TNFRSF25: variants seen among roughly 807,000 people sequenced by gnomAD.
TNFRSF25 encodes tumor necrosis factor receptor superfamily member 25.
In TNFRSF25, 28 loss-of-function variants were observed where a neutral mutation model predicts 49.4. The observed-to-expected ratio is 0.57, with a 90% CI of 0.42 to 0.78. The LOEUF (loss-of-function observed/expected upper bound fraction) is 0.78, where lower values mean the gene tolerates loss of function less well. TNFRSF25 is among the 30% of genes least tolerant of loss of function. TNFRSF25 has a pLI of 0.00. For missense variants in TNFRSF25, 531 were observed against 581.6 expected (o/e 0.91, Z 0.90); for synonymous variants, 240 against 234.2 (o/e 1.02, Z -0.23).
chr1:6,465,419 C>T, intron 2 of TNFRSF25, 21 bp downstream of exon 2: 1 of 1,613,844 alleles, frequency 6.2e-7, no homozygotes, highest in South Asian at 1.1e-5. Context: ...CCATGCCTCT[C>T]CCACCCCTGT....
rs1223876594 is a variant in TNFRSF25 at position 6,464,746 on chromosome 1, G to A, written c.296-27C>T. ...TGGTGGGGGTGCAGGGAGATGGGGA[G>A]TGGAGAGTTAGTCAGGGCCAAAGGC... is the stretch of plus-strand genomic sequence containing the variant. On this transcript the variant is annotated intron_variant, in intron 3 of 9. Transcript: ENST00000356876. The A allele has an allele frequency of 2.5e-6, 4 of 1,607,724 alleles. No individual in the cohort carries two copies. The African/African-American group carries it at 4.0e-5, about 16-fold the overall frequency.
chr1:6,465,620 G>C, intron 1 of TNFRSF25, 60 bp from the exon 2 acceptor site: 62 of 1,569,958 alleles, frequency 3.9e-5, no homozygotes, highest in Non-Finnish European at 5.2e-5. Flanking sequence ...TCTCCCTGCT[G>C]CGTCTCCTCC....
intron 1 of TNFRSF25, 94 bp from the exon 2 acceptor site, chr1:6,465,654 CCA>C: frequency 2.0e-6 from 3 of 1,519,872 alleles, no homozygotes; most frequent in East Asian, 4.9e-5. Context: ...CAGCATTTGC[CCA>C]CAGAGCAGCC....
rs958790452 is a variant in TNFRSF25, at chr1:6,462,793, G to T, written c.706+70C>A. ...CCTCAGTTTCCCCTTCTGTATCAGGGTTGAGTAGACTCTGGGCTACCCATC... is the reference window on the plus strand; with the variant it reads ...CCTCAGTTTCCCCTTCTGTATCAGGTTTGAGTAGACTCTGGGCTACCCATC... On this transcript the variant is annotated intron_variant, in intron 7 of 9. Coordinates refer to ENST00000356876, the MANE Select transcript of TNFRSF25 (RefSeq NM_003790.3). This position sits in a 1 kb window ranked among gnomAD's most constrained non-coding sequence, Gnocchi z 4.2. 4 of 1,568,204 alleles carry T rather than the reference G, an allele frequency of 2.6e-6. No homozygotes were observed. In the African/African-American group the frequency reaches 5.4e-5, roughly 21 times the overall value.
chr1:6,462,841 G>T lies in TNFRSF25; in HGVS notation c.706+22C>A. 1 of 1,593,174 alleles carries T rather than the reference G, an allele frequency of 6.3e-7. No individual in the cohort carries two copies. Among genetic ancestry groups the T allele is most frequent in the Non-Finnish European group, 8.6e-7 (1 of 1,168,248 alleles). Reference sequence around the variant, plus strand: ...ATCCTGACCCCAGGCTTCTGGGTGCGTGTGTGGGTGTGTGTACTTACCAGT... The same window carrying T: ...ATCCTGACCCCAGGCTTCTGGGTGCTTGTGTGGGTGTGTGTACTTACCAGT... On this transcript the variant is annotated intron_variant, in intron 7 of 9. Coordinates refer to ENST00000356876, the MANE Select transcript of TNFRSF25 (RefSeq NM_003790.3). The surrounding 1 kb of genome is among the most constrained non-coding windows in gnomAD (Gnocchi z 4.2).
intron 1 of TNFRSF25, 137 bp downstream of exon 1, chr1:6,465,932 T>A: frequency 6.9e-7 from 1 of 1,454,698 alleles, no homozygotes; most frequent in South Asian, 1.4e-5. Context: ...TGGAGGAGCC[T>A]TTAACGAGAT....
intron 1 of TNFRSF25, 141 bp downstream of exon 1, chr1:6,465,928 A>G: frequency 6.9e-7 from 1 of 1,446,114 alleles, no homozygotes; most frequent in African/African-American, 1.5e-5. Context: ...GCCCTGGAGG[A>G]GCCTTTAACG....
In TNFRSF25 at chr1:6,461,016, T is replaced by C; in HGVS notation, c.*418A>G. 2.5e-6 allele frequency: 1 copy of C among 400,328 alleles called. No individual in the cohort carries two copies. Among genetic ancestry groups the C allele is most frequent in the East Asian group, 7.1e-5 (1 of 14,184 alleles). The allele number at this position is 400,328 out of a possible 1,614,324, so 24.8% of individuals were successfully genotyped here. On this transcript the variant is annotated 3_prime_UTR_variant, in exon 10 of 10. Coordinates refer to ENST00000356876, the MANE Select transcript of TNFRSF25 (RefSeq NM_003790.3). The surrounding 1 kb of genome is among the most constrained non-coding windows in gnomAD (Gnocchi z 6.3). ...CAGAGTGGACTCGGGAGGGGCAGGC[T>C]TGGGAGCTAAGGCCACACTGGACTC...
chr1:6,461,069 C>A lies in TNFRSF25; in HGVS notation c.*365G>T. 1 of 482,998 alleles carries A rather than the reference C, an allele frequency of 2.1e-6. No homozygotes were observed. Among genetic ancestry groups the A allele is most frequent in the African/African-American group, 2.0e-5 (1 of 50,878 alleles). The allele number at this position is 482,998 out of a possible 1,614,324, so 29.9% of individuals were successfully genotyped here. ...CCATGGGTGCCAGATCCCGGGGTGA[C>A]AAGATTCCCGTCCCCTTCGAATCCC... On this transcript the variant is annotated 3_prime_UTR_variant, in exon 10 of 10. Transcript: ENST00000356876. This position sits in a 1 kb window ranked among gnomAD's most constrained non-coding sequence, Gnocchi z 6.3.
Position 6,463,070 on chromosome 1 carries a change from A to G in TNFRSF25, c.598+2T>C. On this transcript the variant is annotated splice_donor_variant, in intron 6 of 9. Transcript: ENST00000356876. LOFTEE classifies it high-confidence loss of function. ...CACTCGCATTCCCAGCACACCACCT[A>G]CTCTGCCTCCAGCCACAGACAGCGG... The G allele has an allele frequency of 6.4e-7, 1 of 1,551,438 alleles. No individual in the cohort carries two copies. Among genetic ancestry groups the G allele is most frequent in the South Asian group, 1.2e-5 (1 of 84,066 alleles).
Position 6,465,479 on chromosome 1 carries a change from T to A in TNFRSF25, c.121A>T (p.Lys41Ter). The change falls in exon 2 of 10, where the codon AAG (lysine) becomes TAG (stop). Residue 41 changes from lysine to a stop codon, truncating the protein, a stop_gained. Transcript: ENST00000356876. LOFTEE classifies it high-confidence loss of function. ...PRCDCAGDFHKKIGLFCCRGC... is the reference protein window; with the variant it reads ...PRCDCAGDFH ...CTGCAACAAAACAGACCAATCTTCT[T>A]GTGGAAGTCACCGGCACAGTCACAC... The A allele has an allele frequency of 6.2e-7, 1 of 1,613,970 alleles. No individual in the cohort carries two copies. The highest frequency in any genetic ancestry group is 8.5e-7 in the Non-Finnish European group (1 of 1,179,976).
In TNFRSF25 at chr1:6,461,818, G is replaced by C. The variant is rs1644182688; in HGVS notation, c.926-56C>G. 2 of 1,461,820 alleles carry C rather than the reference G, an allele frequency of 1.4e-6. No individual in the cohort carries two copies. The highest frequency in any genetic ancestry group is 2.7e-5 in the South Asian group (2 of 72,806). 90.6% of individuals were successfully genotyped at this position (1,461,820 alleles called of 1,614,324 possible). A position where few individuals can be genotyped will look rare whatever the true frequency, so the allele number is the denominator to read the frequency against. ...GTACGTGGGCCGCGGTCGGGAGGCA[G>C]AGTCAGGGGCGTTCGTGCGGGTACC... On this transcript the variant is annotated intron_variant, in intron 9 of 9. Transcript: ENST00000356876. This position sits in a 1 kb window ranked among gnomAD's most constrained non-coding sequence, Gnocchi z 6.3.
In TNFRSF25 at chr1:6,462,094, C is replaced by T. The variant is rs765554689; in HGVS notation, c.825G>A (p.Gln275=). The change falls in exon 9 of 10, where the codon CAG becomes CAA. Residue 275 remains glutamine, a synonymous_variant. Transcript: ENST00000356876. This position sits in a 1 kb window ranked among gnomAD's most constrained non-coding sequence, Gnocchi z 4.2. ...CAGGGGTCCAGCTGTTACCCACCAA[C>T]TGGACGGTGCAGATCTTCTCACTGC... ...PDSSEKICTV[Q]LVGNSWTPGY... 2.5e-6 allele frequency: 4 copies of T among 1,613,912 alleles called. No homozygotes were observed. Among genetic ancestry groups the T allele is most frequent in the Non-Finnish European group, 3.4e-6 (4 of 1,180,006 alleles).
Position 6,461,076 on chromosome 1 carries a change from C to A in TNFRSF25, c.*358G>T, listed in dbSNP as rs1031537951. ...TGCCAGATCCCGGGGTGACAAGATTCCCGTCCCCTTCGAATCCCTCGAGAA... is the reference window on the plus strand; with the variant it reads ...TGCCAGATCCCGGGGTGACAAGATTACCGTCCCCTTCGAATCCCTCGAGAA... On this transcript the variant is annotated 3_prime_UTR_variant, in exon 10 of 10. Coordinates refer to ENST00000356876, the MANE Select transcript of TNFRSF25 (RefSeq NM_003790.3). The surrounding 1 kb of genome is among the most constrained non-coding windows in gnomAD (Gnocchi z 6.3). 2.0e-6 allele frequency: 1 copy of A among 498,448 alleles called. No individual in the cohort carries two copies. Among genetic ancestry groups the A allele is most frequent in the African/African-American group, 1.9e-5 (1 of 51,446 alleles). The allele number at this position is 498,448 out of a possible 1,614,324, so 30.9% of individuals were successfully genotyped here. A position where few individuals can be genotyped will look rare whatever the true frequency, so the allele number is the denominator to read the frequency against.
At position 6,461,630 on chromosome 1, in the gene TNFRSF25, G is replaced by C. The variant is rs748511042; in HGVS notation, c.1058C>G (p.Thr353Arg). Residue 353 changes from threonine to arginine, a missense_variant, in exon 10 of 10, where the codon ACG becomes AGG. Coordinates refer to ENST00000356876, the MANE Select transcript of TNFRSF25 (RefSeq NM_003790.3). This position sits in a 1 kb window ranked among gnomAD's most constrained non-coding sequence, Gnocchi z 6.3. ...PARRWKEFVRTLGLREAEIEA... is the reference protein window; with the variant it reads ...PARRWKEFVRRLGLREAEIEA... ...GATCTCTGCCTCGCGCAGCCCCAGC[G>C]TGCGCACGAACTCCTTCCAGCGCCG... 1 of 1,608,274 alleles carries C rather than the reference G, an allele frequency of 6.2e-7. No homozygotes were observed. The highest frequency in any genetic ancestry group is 8.5e-7 in the Non-Finnish European group (1 of 1,179,142).
Position 6,465,097 on chromosome 1 carries a change from C to T in TNFRSF25, c.286G>A (p.Asp96Asn). 1 of 1,613,178 alleles carries T rather than the reference C, an allele frequency of 6.2e-7. No homozygotes were observed. The change falls in exon 3 of 10, where the codon GAT (aspartate) becomes AAT (asparagine). Residue 96 changes from aspartate to asparagine, a missense_variant. Asp to Asn is a conservative substitution (Grantham distance 23). Coordinates refer to ENST00000356876, the MANE Select transcript of TNFRSF25 (RefSeq NM_003790.3). Reference sequence around the variant, plus strand: ...CTGAGAAGCCCCTCACCCTGCTCATCACAGGCCTGGCAGCGGGCACATTCA... The same window carrying T: ...CTGAGAAGCCCCTCACCCTGCTCATTACAGGCCTGGCAGCGGGCACATTCA... ...NSECARCQAC[D>N]EQASQVALEN... is the part of the protein sequence containing the mutation.
In TNFRSF25 at chr1:6,461,303, C is replaced by A. The variant is rs1488497738; in HGVS notation, c.*131G>T. ...CGATAGGGGCGAGCAGGGGTGGGGC[C>A]GGCTGGTGCTGCTACGCAGGGCCGT... On this transcript the variant is annotated 3_prime_UTR_variant, in exon 10 of 10. Coordinates refer to ENST00000356876, the MANE Select transcript of TNFRSF25 (RefSeq NM_003790.3). This position sits in a 1 kb window ranked among gnomAD's most constrained non-coding sequence, Gnocchi z 6.3. The A allele has an allele frequency of 1.2e-4, 150 of 1,201,264 alleles. 2 individuals are homozygous for A. The South Asian group carries it at 2.0e-3, about 16-fold the overall frequency. 74.4% of individuals were successfully genotyped at this position (1,201,264 alleles called of 1,614,324 possible).
chr1:6,464,560 C>T lies in TNFRSF25; in HGVS notation c.455G>A (p.Arg152Gln), dbSNP rs758747550. The T allele has an allele frequency of 7.4e-6, 12 of 1,613,932 alleles. No homozygotes were observed. The highest frequency in any genetic ancestry group is 2.2e-5 in the South Asian group (2 of 91,080). Residue 152 changes from arginine to glutamine, a missense_variant, in exon 4 of 10, where the codon CGG (arginine) becomes CAG (glutamine). Transcript: ENST00000356876. The stretch of plus-strand genomic sequence containing the variant: ...TGGGTGGGGGTACTCACAGAGTAGC[C>T]GTGTGTGGCGGTGCAGGGCCCCGCA... Reference protein sequence around the residue: ...LDCGALHRHTRLLCSRRDTDC... With the variant: ...LDCGALHRHTQLLCSRRDTDC...
In TNFRSF25 at chr1:6,465,644, C is replaced by T. The variant is rs1644334963; in HGVS notation, c.40-84G>A. ...TGCGTCTCCTCCATTTCAGAGGCCCCAGCATTTGCCCACAGAGCAGCCCAC... is the reference window on the plus strand; with the variant it reads ...TGCGTCTCCTCCATTTCAGAGGCCCTAGCATTTGCCCACAGAGCAGCCCAC... On this transcript the variant is annotated intron_variant, in intron 1 of 9. Transcript: ENST00000356876. 31 of 1,533,176 alleles carry T rather than the reference C, an allele frequency of 2.0e-5. 1 individual carries two copies. The South Asian group carries it at 3.7e-4, about 18-fold the overall frequency. The allele number at this position is 1,533,176 out of a possible 1,614,324, so 95.0% of individuals were successfully genotyped here.
Sources: allele counts gnomAD v4.1 joint callset, GRCh38; gene constraint gnomAD v4.1.1; non-coding constraint Gnocchi (gnomAD v3.1); transcripts MANE v1.5; gene names NCBI Gene and HGNC (gene_info 2026-07-23, HGNC 2026-07-21).